ARHGAP17: variants seen among roughly 807,000 people sequenced by gnomAD.
ARHGAP17 encodes the protein rho GTPase-activating protein 17.
Under a neutral mutation model 99.5 loss-of-function variants are expected in ARHGAP17, and 57 were observed. That is an observed-to-expected ratio of 0.57 (90% CI 0.46 to 0.71). ARHGAP17 has a LOEUF of 0.71. Among genes scored for constraint, ARHGAP17 ranks in the 30% least tolerant of loss-of-function variants. ARHGAP17 has a pLI of 0.00. For missense variants in ARHGAP17, 1,000 were observed against 1,122.4 expected (o/e 0.89, Z 1.56); for synonymous variants, 417 against 429.6 (o/e 0.97, Z 0.36).
At chr16:24,990,094 C>T (rs1343304827) in intron 1 of ARHGAP17, among the ~76,000 whole-genome samples, 3 of 152,188 alleles carry the variant, frequency 2.0e-5, no homozygotes, top group African/African-American at 7.2e-5. Context: ...ACATTGTAAA[C>T]ATATCAGAAT....
At chr16:25,005,785 C>T (rs867324702) in intron 1 of ARHGAP17, among the ~76,000 whole-genome samples, 1 of 152,092 alleles carries the variant, frequency 6.6e-6, no homozygotes, top group Admixed American at 6.5e-5. Flanking sequence ...AAATAGATAA[C>T]AAATTTTTTA....
intron 14 of ARHGAP17, 150 bp from the exon 15 acceptor site, chr16:24,944,012 C>T: frequency 1.4e-6 from 1 of 705,240 alleles, no homozygotes; most frequent in Non-Finnish European, 2.4e-6. Context: ...GTGGCTCACA[C>T]CTGTAACCCC....
Position 24,930,920 on chromosome 16 carries a change from G to C in ARHGAP17, c.2379C>G (p.Thr793=). Residue 793 remains threonine, a synonymous_variant, in exon 19 of 20, where the codon ACC becomes ACG. Coordinates refer to ENST00000289968, the MANE Select transcript of ARHGAP17 (RefSeq NM_001006634.3). The part of the protein sequence containing the change: ...NPETAQPHAG[T]LPRPRPVPKP... ...TTGGTACTGGTCTCGGTCTCGGTAA[G>C]GTTCCAGCATGTGGCTGTGCAGTTT... is the stretch of plus-strand genomic sequence containing the variant. 1.2e-6 allele frequency: 2 copies of C among 1,614,048 alleles called. No homozygotes were observed. The highest frequency in any genetic ancestry group is 1.7e-6 in the Non-Finnish European group (2 of 1,179,986).
In ARHGAP17 at chr16:24,954,995, C is replaced by T. The variant is rs140369829; in HGVS notation, c.725-265G>A. On this transcript the variant is annotated intron_variant, in intron 9 of 19. Coordinates refer to ENST00000289968, the MANE Select transcript of ARHGAP17 (RefSeq NM_001006634.3). ...AGGCTGCCCAGAAGCTGCAGTGGCA[C>T]GCTGCACCTGCACCACACTTCATCA... 1,030 of 415,706 alleles carry T rather than the reference C, an allele frequency of 2.5e-3. 12 individuals carry two copies. In the South Asian group the frequency reaches 0.027, roughly 11 times the overall value. The allele number at this position is 415,706 out of a possible 1,614,324, so 25.8% of individuals were successfully genotyped here.
At chr16:24,958,237 AAAAC>A (rs35513128) in intron 9 of ARHGAP17, among the ~76,000 whole-genome samples, 13 of 151,244 alleles carry the variant, frequency 8.6e-5, no homozygotes, top group Admixed American at 4.6e-4. Context: ...TTGTCTCTTT[AAAAC>A]AAACAAACAA....
At position 24,953,077 on chromosome 16, in the gene ARHGAP17, A is replaced by G. The variant is rs200310685; in HGVS notation, c.853-35T>C. On this transcript the variant is annotated intron_variant, in intron 10 of 19. Transcript: ENST00000289968. ...ATGAAAAGCCATCAGCATCAAGTGC[A>G]GGTTGGGACACTCAGACTAAGTGGC... is the stretch of plus-strand genomic sequence containing the variant. 1.2e-4 allele frequency: 198 copies of G among 1,596,340 alleles called. No homozygotes were observed. In the African/African-American group the frequency reaches 2.5e-3, roughly 20 times the overall value.
chr16:24,959,156 A>G (rs1395933889), intron 9 of ARHGAP17, among the ~76,000 whole-genome samples: 1 of 152,236 alleles, frequency 6.6e-6, no homozygotes, highest in Non-Finnish European at 1.5e-5. Context: ...AAAGCTTAGT[A>G]TAAAGACAAA....
At chr16:24,929,978 C>A (rs2050939563) in intron 19 of ARHGAP17, among the ~76,000 whole-genome samples, 1 of 152,132 alleles carries the variant, frequency 6.6e-6, no homozygotes, top group South Asian at 2.1e-4. Flanking sequence ...TTTGAGGCCC[C>A]TAATTACCAT....
chr16:24,954,780 C>T (rs1567228022), intron 9 of ARHGAP17, 50 bp from the exon 10 acceptor site: 1 of 1,602,868 alleles, frequency 6.2e-7, no homozygotes. Context: ...CACGGCATTA[C>T]CAAGCTATTT....
chr16:24,941,562 A>C (rs1407755943), intron 16 of ARHGAP17: 1 of 170,140 alleles, frequency 5.9e-6, no homozygotes, highest in Admixed American at 5.6e-5. Flanking sequence ...ATTATACCAG[A>C]AATATGTCTC....
intron 6 of ARHGAP17, among the ~76,000 whole-genome samples, chr16:24,966,451 G>A (rs2052183237): frequency 6.6e-6 from 1 of 152,108 alleles, no homozygotes; most frequent in South Asian, 2.1e-4. Context: ...TGGCCAATGT[G>A]GTGAAACCCC....
At chr16:24,965,003 GA>G (rs1164909397) in intron 6 of ARHGAP17, among the ~76,000 whole-genome samples, 5 of 149,032 alleles carry the variant, frequency 3.4e-5, no homozygotes, top group Middle Eastern at 3.2e-3. Flanking sequence ...GCACTAAAAA[GA>G]AAAAAAAAGA....
At chr16:24,936,072 G>A (rs1338303622) in intron 17 of ARHGAP17, 4 of 293,850 alleles carry the variant, frequency 1.4e-5, no homozygotes, top group Middle Eastern at 1.2e-3. Flanking sequence ...TACTGCGTTT[G>A]GACTTAAATT....
intron 9 of ARHGAP17, among the ~76,000 whole-genome samples, chr16:24,957,871 A>G (rs1369295214): frequency 1.3e-5 from 2 of 152,212 alleles, no homozygotes; most frequent in Non-Finnish European, 2.9e-5. Flanking sequence ...TGAATGTGAC[A>G]CCAGAGTCCA....
rs533700238 is a variant in ARHGAP17 at position 24,973,834 on chromosome 16, A to G, written c.199-3254T>C. The stretch of plus-strand genomic sequence containing the variant: ...AGGTGTTTGATAAATATTTGTTTCT[A>G]TTGAATATATGTCTTGGACTGCGTC... On this transcript the variant is annotated intron_variant, in intron 3 of 19. Transcript: ENST00000289968. 5.9e-5 allele frequency among the ~76,000 whole-genome samples: 9 copies of G among 152,322 alleles called. No homozygotes were observed. In the East Asian group the frequency reaches 1.7e-3, roughly 29 times the overall value.
chr16:24,930,878 G>T lies in ARHGAP17; in HGVS notation c.2421C>A (p.Pro807=). The change falls in exon 19 of 20, where the codon CCC becomes CCA. Residue 807 remains proline (P), a synonymous_variant. Coordinates refer to ENST00000289968, the MANE Select transcript of ARHGAP17 (RefSeq NM_001006634.3). ...PRPVPKPRNR[P]SVPPPPQPPG... is the part of the protein sequence containing the mutation. ...GAGGTTGGGGGGGTGGGGGCACGCT[G>T]GGCCGGTTCCTTGGCTTTGGTACTG... The T allele has an allele frequency of 6.2e-7, 1 of 1,613,964 alleles. No individual in the cohort carries two copies. Among genetic ancestry groups the T allele is most frequent in the Non-Finnish European group, 8.5e-7 (1 of 1,179,972 alleles).
In ARHGAP17 at chr16:24,949,429, G is replaced by T. The variant is rs1411288837; in HGVS notation, c.1102C>A (p.Pro368Thr). ...QDLWRTCQKLPPQNFVNFRYL... is the reference protein window; with the variant it reads ...QDLWRTCQKLTPQNFVNFRYL... Reference sequence around the variant, plus strand: ...CTAAAGTTAACAAAATTTTGTGGTGGCAACTTCTGACATGTTCTCCACAAG... The same window carrying T: ...CTAAAGTTAACAAAATTTTGTGGTGTCAACTTCTGACATGTTCTCCACAAG... The change falls in exon 13 of 20, where the codon CCA (proline) becomes ACA (threonine). Residue 368 changes from proline to threonine, a missense_variant. Pro to Thr is a conservative substitution (Grantham distance 38). Coordinates refer to ENST00000289968, the MANE Select transcript of ARHGAP17 (RefSeq NM_001006634.3). 6.2e-7 allele frequency: 1 copy of T among 1,613,594 alleles called. No homozygotes were observed. Among genetic ancestry groups the T allele is most frequent in the Admixed American group, 1.7e-5 (1 of 59,966 alleles).
chr16:24,924,878 TAAA>T (rs754997493), intron 19 of ARHGAP17, among the ~76,000 whole-genome samples: 20 of 145,458 alleles, frequency 1.4e-4, no homozygotes, highest in Non-Finnish European at 2.1e-4. Context: ...TAAAAAAAAA[TAAA>T]AAAAAAAGCA....
rs1263070704 is a variant in ARHGAP17 at position 24,949,397 on chromosome 16, T to C, written c.1127+7A>G. 1.9e-6 allele frequency: 3 copies of C among 1,611,894 alleles called. No homozygotes were observed. Among genetic ancestry groups the C allele is most frequent in the Admixed American group, 1.7e-5 (1 of 59,862 alleles). The stretch of plus-strand genomic sequence containing the variant: ...CTCCAGAGTCATTGTAGCTCAATCA[T>C]ACATACCTAAAGTTAACAAAATTTT... On this transcript the variant is annotated splice_region_variant and intron_variant, in intron 13 of 19. Transcript: ENST00000289968.
Sources: gnomAD v4.1 joint callset for allele counts (sites outside exome capture counted in the v4.1 genomes callset) on GRCh38, gnomAD v4.1.1 for gene constraint, MANE v1.5 for transcripts, NCBI Gene and HGNC (gene_info 2026-07-23, HGNC 2026-07-21) for gene names.